KCNG3: variants seen among roughly 807,000 people sequenced by gnomAD.
The protein encoded by KCNG3 is voltage-gated potassium channel regulatory subunit KCNG3.
A neutral mutation model predicts 29.0 loss-of-function variants in KCNG3; 15 were observed. The ratio of observed to expected loss-of-function variants is 0.52; its 90% CI spans 0.35 to 0.80. The LOEUF (loss-of-function observed/expected upper bound fraction) is 0.80. KCNG3 is among the 30% of genes least tolerant of loss of function. The pLI, the probability that KCNG3 is intolerant of heterozygous loss-of-function variation, is 0.01. For missense variants in KCNG3, 512 were observed against 605.7 expected (o/e 0.85, Z 1.62); for synonymous variants, 322 against 248.9 (o/e 1.29, Z -2.76).
Position 42,493,175 on chromosome 2 carries a change from C to T in KCNG3, c.327G>A (p.Glu109=), listed in dbSNP as rs116660247. The part of the protein sequence containing the change: ...IYWGLEGAHL[E]YCCQRRLDDR... ...CGTCGAGGCGGCGCTGGCAGCAGTA[C>T]TCGAGGTGCGCGCCCTCCAGGCCCC... The change falls in exon 1 of 2, where the codon GAG becomes GAA. Residue 109 remains glutamate, a synonymous_variant. Coordinates refer to ENST00000306078, the MANE Select transcript of KCNG3 (RefSeq NM_133329.6). The T allele has an allele frequency of 2.0e-3, 3,141 of 1,608,946 alleles. 58 individuals are homozygous for T. In the African/African-American group the frequency reaches 0.037, roughly 19 times the overall value.
intron 1 of KCNG3, among the ~76,000 whole-genome samples, chr2:42,452,582 G>A (rs1487727345): frequency 6.6e-6 from 1 of 151,552 alleles, no homozygotes; most frequent in Non-Finnish European, 1.5e-5. Context: ...GAGTTCACTT[G>A]TTTTAATTTT....
chr2:42,470,540 A>T (rs1300922909), intron 1 of KCNG3, among the ~76,000 whole-genome samples: 1 of 152,152 alleles, frequency 6.6e-6, no homozygotes, highest in Non-Finnish European at 1.5e-5. Flanking sequence ...TATTTGCAAT[A>T]CACAATCAGT....
intron 1 of KCNG3, among the ~76,000 whole-genome samples, chr2:42,466,315 A>C (rs1025493870): frequency 6.6e-6 from 1 of 152,200 alleles, no homozygotes; most frequent in Admixed American, 6.5e-5. Context: ...CTGAGGCAGG[A>C]GAATCGCTTG....
Position 42,466,518 on chromosome 2 carries a change from C to A in KCNG3, c.666-21939G>T, listed in dbSNP as rs181468445. 2.0e-5 allele frequency among the ~76,000 whole-genome samples: 3 copies of A among 152,252 alleles called. No homozygotes were observed. In the East Asian group the frequency reaches 5.8e-4, roughly 29 times the overall value. On this transcript the variant is annotated intron_variant, in intron 1 of 1. Transcript: ENST00000306078. Reference sequence around the variant, plus strand: ...TCTGCATAAGCTTGTGGCCTAGGAGCAATAGGCTATACTATACAGCCTAAG... The same window carrying A: ...TCTGCATAAGCTTGTGGCCTAGGAGAAATAGGCTATACTATACAGCCTAAG...
intron 1 of KCNG3, among the ~76,000 whole-genome samples, chr2:42,482,841 C>T (rs143859676): frequency 6.6e-6 from 1 of 151,776 alleles, no homozygotes; most frequent in African/African-American, 2.4e-5. Flanking sequence ...CTATTCTAGG[C>T]CAGGCACAGT....
the KCNG3 span, among the ~76,000 whole-genome samples, chr2:42,417,283 T>G: frequency 9.9e-3 from 1,505 of 152,222 alleles, 25 homozygotes; most frequent in African/African-American, 0.03. Flanking sequence ...TAAAAAATAT[T>G]TGCATTTTTA....
At chr2:42,481,759 G>A (rs1374678258) in intron 1 of KCNG3, among the ~76,000 whole-genome samples, 1 of 151,948 alleles carries the variant, frequency 6.6e-6, no homozygotes, top group Non-Finnish European at 1.5e-5. Flanking sequence ...GGATTGGTTT[G>A]TGCTTCCTCT....
chr2:42,432,521 C>T, the KCNG3 span, among the ~76,000 whole-genome samples: 1 of 152,318 alleles, frequency 6.6e-6, no homozygotes, highest in Admixed American at 6.5e-5. Context: ...ACAGAGGCAC[C>T]TTGTATCTAC....
intron 1 of KCNG3, among the ~76,000 whole-genome samples, chr2:42,470,808 G>T (rs541928593): frequency 1.3e-4 from 19 of 151,842 alleles, no homozygotes; most frequent in African/African-American, 4.6e-4. Flanking sequence ...AGTGAGCCAT[G>T]GTCACATCAC....
At chr2:42,474,329 A>C (rs576036184) in intron 1 of KCNG3, among the ~76,000 whole-genome samples, 1 of 152,044 alleles carries the variant, frequency 6.6e-6, no homozygotes, top group East Asian at 1.9e-4. Flanking sequence ...GGAGTTCGAG[A>C]CCAGCCTGGC....
chr2:42,477,695 A>G (rs1247542548), intron 1 of KCNG3, among the ~76,000 whole-genome samples: 1 of 151,964 alleles, frequency 6.6e-6, no homozygotes, highest in African/African-American at 2.4e-5. Context: ...CCTGGCCAGC[A>G]TAGCGAAAAT....
chr2:42,454,551 A>G (rs1672834869), intron 1 of KCNG3, among the ~76,000 whole-genome samples: 1 of 152,120 alleles, frequency 6.6e-6, no homozygotes, highest in Non-Finnish European at 1.5e-5. Flanking sequence ...GTCTCTACTA[A>G]AAGTACGAAA....
chr2:42,447,995 A>G (rs1672645824), intron 1 of KCNG3, among the ~76,000 whole-genome samples: 1 of 152,220 alleles, frequency 6.6e-6, no homozygotes, highest in Non-Finnish European at 1.5e-5. Context: ...ACCCACCCAC[A>G]GGCAATGCAT....
At chr2:42,422,091 A>G in the KCNG3 span, among the ~76,000 whole-genome samples, 1 of 152,168 alleles carries the variant, frequency 6.6e-6, no homozygotes, top group South Asian at 2.1e-4. Flanking sequence ...GGTAAAAGCC[A>G]ATGTTTATGA....
the KCNG3 span, among the ~76,000 whole-genome samples, chr2:42,410,992 T>C: frequency 1.5e-3 from 233 of 152,336 alleles, no homozygotes; most frequent in Non-Finnish European, 2.8e-3. Flanking sequence ...CGGGTGCCAA[T>C]TGCTTTTTCC....
chr2:42,425,057 C>G, the KCNG3 span: 1 of 152,278 alleles, frequency 6.6e-6, no homozygotes, highest in Non-Finnish European at 1.5e-5. Flanking sequence ...CGCTGCGGGC[C>G]TGCTTCCTGG....
the KCNG3 span, among the ~76,000 whole-genome samples, chr2:42,427,009 C>T: frequency 6.6e-6 from 1 of 152,178 alleles, no homozygotes. Flanking sequence ...ATATATTTTA[C>T]CCATAACTAG....
rs992565162 is a variant in KCNG3, at chr2:42,442,569, C to T, written c.*1365G>A. 3.5e-4 allele frequency: 54 copies of T among 152,200 alleles called. No individual in the cohort carries two copies. The highest frequency in any genetic ancestry group is 7.3e-5 in the Non-Finnish European group (5 of 68,032). The allele number at this position is 152,200 out of a possible 1,614,324, so 9.4% of individuals were successfully genotyped here. A position where few individuals can be genotyped will look rare whatever the true frequency, so the allele number is the denominator to read the frequency against. ...TATATCCAGGTCCTCCATCACCCAC[C>T]ACTTCCCAATCCCTGTCTTCTCTAC... On this transcript the variant is annotated 3_prime_UTR_variant, in exon 2 of 2. Transcript: ENST00000306078.
the KCNG3 span, among the ~76,000 whole-genome samples, chr2:42,394,986 T>A: frequency 1.3e-5 from 2 of 152,202 alleles, no homozygotes; most frequent in Non-Finnish European, 2.9e-5. Context: ...CTCACCTGTA[T>A]CTGAATGCCA....
Sources: gnomAD v4.1 joint callset for allele counts (sites outside exome capture counted in the v4.1 genomes callset) on GRCh38, gnomAD v4.1.1 for gene constraint, MANE v1.5 for transcripts, NCBI Gene and HGNC (gene_info 2026-07-23, HGNC 2026-07-21) for gene names.